The following PLK2 variants were observed in gnomAD, a reference collection of about 807,000 sequenced individuals.
PLK2 encodes polo like kinase 2, also known as serine/threonine-protein kinase PLK2.
Under a neutral mutation model 78.1 loss-of-function variants are expected in PLK2, and 25 were observed. That is an observed-to-expected ratio of 0.32 (90% CI 0.23 to 0.45). PLK2 has a LOEUF of 0.45. Among genes scored for constraint, PLK2 ranks in the 20% least tolerant of loss-of-function variants. The pLI, the probability that PLK2 is intolerant of heterozygous loss-of-function variation, is 1.00. For missense variants in PLK2, 566 were observed against 840.2 expected (o/e 0.67, Z 4.04); for synonymous variants, 332 against 298.2 (o/e 1.11, Z -1.17).
chr5:58,456,984 CA>C lies in PLK2; in HGVS notation c.1116del (p.Phe372LeufsTer31). ...TATCTTGCTTTGTCTTTTTTGCCAC[CA>C]AAAAGAGCAGCAGCTGCTTTCTTAA... ...NFFKKAAAAL[F>X]GGKKDKARYI... On this transcript the variant is annotated frameshift_variant, in exon 8 of 14. Coordinates refer to ENST00000274289, the MANE Select transcript of PLK2 (RefSeq NM_006622.4). LOFTEE classifies it high-confidence loss of function. The C allele has an allele frequency of 6.2e-7, 1 of 1,608,456 alleles. No individual in the cohort carries two copies. The highest frequency in any genetic ancestry group is 8.5e-7 in the Non-Finnish European group (1 of 1,177,562).
intron 5 of PLK2, 115 bp from the exon 6 acceptor site, chr5:58,457,698 T>C (rs1743646943): frequency 3.1e-6 from 2 of 653,868 alleles, no homozygotes; most frequent in Middle Eastern, 4.0e-4. Context: ...AAATCTATAC[T>C]GAATTTCTAT....
In PLK2 at chr5:58,460,070, C is replaced by A; in HGVS notation, c.-111G>T. ...CTCTGGTGCCGACTAGCACCCAACACCCCGGTCCACTTGTGCGAGTGAGAG... is the reference window on the plus strand; with the variant it reads ...CTCTGGTGCCGACTAGCACCCAACAACCCGGTCCACTTGTGCGAGTGAGAG... On this transcript the variant is annotated 5_prime_UTR_variant, in exon 1 of 14. Coordinates refer to ENST00000274289, the MANE Select transcript of PLK2 (RefSeq NM_006622.4). 1 of 1,278,092 alleles carries A rather than the reference C, an allele frequency of 7.8e-7. No individual in the cohort carries two copies. Among genetic ancestry groups the A allele is most frequent in the South Asian group, 1.4e-5 (1 of 69,400 alleles). The allele number at this position is 1,278,092 out of a possible 1,614,324, so 79.2% of individuals were successfully genotyped here.
intron 7 of PLK2, 24 bp downstream of exon 7, chr5:58,457,156 TA>T (rs554519811): frequency 2.2e-3 from 3,022 of 1,404,560 alleles, no homozygotes; most frequent in South Asian, 4.4e-3. Context: ...ACCAGGTAAT[TA>T]AAAAAAAAAG....
In PLK2 at chr5:58,457,237, T is replaced by C. The variant is rs1743632523; in HGVS notation, c.952A>G (p.Asn318Asp). 6.2e-7 allele frequency: 1 copy of C among 1,614,148 alleles called. No individual in the cohort carries two copies. The highest frequency in any genetic ancestry group is 1.6e-4 in the Middle Eastern group (1 of 6,062). ...TCCAAACTGGGACGATCCTCTGGGT[T>C]TTTGGACAACATACTAGCAATTAAG... is the stretch of plus-strand genomic sequence containing the variant. The part of the protein sequence containing the change: ...KHLIASMLSK[N>D]PEDRPSLDDI... The change falls in exon 7 of 14, where the codon AAC becomes GAC. Residue 318 changes from asparagine to aspartate, a missense_variant. Physicochemically the swap from Asn to Asp is conservative, Grantham distance 23. Coordinates refer to ENST00000274289, the MANE Select transcript of PLK2 (RefSeq NM_006622.4).
chr5:58,455,778 G>T lies in PLK2; in HGVS notation c.1386C>A (p.Cys462Ter). 1.2e-6 allele frequency: 2 copies of T among 1,612,618 alleles called. No homozygotes were observed. The highest frequency in any genetic ancestry group is 1.1e-5 in the South Asian group (1 of 91,066). ...CACTTCCCATGGTACTGTCTTCAAG[G>T]CCTGAAAAGTCAGACAGAAATGTTT... Reference protein sequence around the residue: ...TLGSCSSSSECLEDSTMGSVA... With the variant: ...TLGSCSSSSE Residue 462 changes from cysteine to a stop codon, truncating the protein, a stop_gained and splice_region_variant, in exon 11 of 14, where the codon TGC (cysteine) becomes TGA (stop). Transcript: ENST00000274289. LOFTEE classifies it high-confidence loss of function.
At chr5:58,455,487 C>A in intron 11 of PLK2, 52 bp downstream of exon 11, 1 of 1,611,304 alleles carries the variant, frequency 6.2e-7, no homozygotes, top group South Asian at 1.1e-5. Context: ...TTTTAGATTT[C>A]TTTAGTGCAA....
intron 2 of PLK2, 26 bp downstream of exon 2, chr5:58,458,959 A>C (rs1743682237): frequency 7.0e-7 from 1 of 1,429,516 alleles, no homozygotes; most frequent in African/African-American, 1.4e-5. Context: ...CACAAAGAAA[A>C]TACTTTACTC....
chr5:58,459,477 A>G lies in PLK2; in HGVS notation c.270+213T>C. 5.2e-6 allele frequency: 3 copies of G among 574,100 alleles called. No homozygotes were observed. In the East Asian group the frequency reaches 8.7e-5, roughly 17 times the overall value. 35.6% of individuals were successfully genotyped at this position (574,100 alleles called of 1,614,324 possible). On this transcript the variant is annotated intron_variant, in intron 1 of 13. Transcript: ENST00000274289. ...GATGCATTTCTCTGGGCTGCGGGAG[A>G]CACACAGTTCTGAGGCTAAGAATGC...
In PLK2 at chr5:58,456,501, C is replaced by A. The variant is rs141029220; in HGVS notation, c.1245G>T (p.Arg415Ser). 6.2e-7 allele frequency: 1 copy of A among 1,601,944 alleles called. No homozygotes were observed. The highest frequency in any genetic ancestry group is 1.3e-5 in the African/African-American group (1 of 74,636). The change falls in exon 9 of 14, where the codon AGG becomes AGT. Residue 415 changes from arginine (R) to serine (S), a missense_variant. By Grantham distance (110) the Arg-to-Ser change is moderately radical (BLOSUM62 -1). This residue lies in a region of PLK2 where 129 missense variants were observed against 156.0 expected (regional missense o/e 0.83). Transcript: ENST00000274289. ...CTCTTTCCCAACACACCTCATCTGT[C>A]CTGTGTTTGCTGGGTTGCTGAGTTA... is the stretch of plus-strand genomic sequence containing the variant. ...TSITQQPSKH[R>S]TDEELQPPTT...
rs372594707 is a variant in PLK2, at chr5:58,454,663, G to A, written c.1978C>T (p.Leu660=). The A allele has an allele frequency of 2.5e-6, 4 of 1,613,570 alleles. No homozygotes were observed. Among genetic ancestry groups the A allele is most frequent in the Non-Finnish European group, 3.4e-6 (4 of 1,179,482 alleles). Residue 660 remains leucine, a synonymous_variant, in exon 14 of 14, where the codon CTG becomes TTG. Transcript: ENST00000274289. ...RISTTFRLTT[L]LMSGCSSELK... is the part of the protein sequence containing the mutation. ...TCTGATGAACAGCCAGACATCAGCA[G>A]AGTTGTCAGCCTGAAAGTTGTAGAT...
intron 1 of PLK2, 120 bp downstream of exon 1, chr5:58,459,570 G>T: frequency 1.2e-6 from 1 of 848,174 alleles, no homozygotes; most frequent in South Asian, 1.8e-5. Flanking sequence ...CCTCGCGCTG[G>T]GATCGGACCC....
Position 58,454,438 on chromosome 5 carries a change from C to T in PLK2, c.*145G>A, listed in dbSNP as rs1743543963. 4.8e-6 allele frequency: 3 copies of T among 620,824 alleles called. No homozygotes were observed. Among genetic ancestry groups the T allele is most frequent in the Non-Finnish European group, 8.5e-6 (3 of 352,504 alleles). 38.5% of individuals were successfully genotyped at this position (620,824 alleles called of 1,614,324 possible). A position where few individuals can be genotyped will look rare whatever the true frequency, so the allele number is the denominator to read the frequency against. ...TGTATGCCTTAGCCTGTTCTGGTTC[C>T]AACCAGTCCAGCAGGCCACAGGGGA... On this transcript the variant is annotated 3_prime_UTR_variant, in exon 14 of 14. Coordinates refer to ENST00000274289, the MANE Select transcript of PLK2 (RefSeq NM_006622.4).
In PLK2 at chr5:58,454,531, T is replaced by C. The variant is rs1454064506; in HGVS notation, c.*52A>G. ...CTAGATCATTCTTTTGGCTTCCCTG[T>C]AGATCTCACAGTGGAAAAGAGGAGT... On this transcript the variant is annotated 3_prime_UTR_variant, in exon 14 of 14. Coordinates refer to ENST00000274289, the MANE Select transcript of PLK2 (RefSeq NM_006622.4). 4 of 1,241,450 alleles carry C rather than the reference T, an allele frequency of 3.2e-6. No individual in the cohort carries two copies. The highest frequency in any genetic ancestry group is 1.9e-4 in the Middle Eastern group (1 of 5,142). 76.9% of individuals were successfully genotyped at this position (1,241,450 alleles called of 1,614,324 possible). A position where few individuals can be genotyped will look rare whatever the true frequency, so the allele number is the denominator to read the frequency against.
chr5:58,456,938 AACTT>A lies in PLK2; in HGVS notation c.1156+3_1156+6del. ...ACGAAAAAGGAAAAGAAGTCTTGTTAACTTACTATGTGTGTCAATATATCTTGCT... is the reference window on the plus strand; with the variant it reads ...ACGAAAAAGGAAAAGAAGTCTTGTTAACTATGTGTGTCAATATATCTTGCT... On this transcript the variant is annotated splice_donor_5th_base_variant and intron_variant, in intron 8 of 13. Transcript: ENST00000274289. The A allele has an allele frequency of 6.4e-7, 1 of 1,559,190 alleles. No individual in the cohort carries two copies. The highest frequency in any genetic ancestry group is 8.7e-7 in the Non-Finnish European group (1 of 1,147,462).
In PLK2 at chr5:58,458,859, G is replaced by C. The variant is rs774770623; in HGVS notation, c.379-18C>G. ...TTGTCAATCTAAATGAAAAAGCAAGGTAAGGCTTATTAGCTTCCAGTCACC... is the reference window on the plus strand; with the variant it reads ...TTGTCAATCTAAATGAAAAAGCAAGCTAAGGCTTATTAGCTTCCAGTCACC... On this transcript the variant is annotated intron_variant, in intron 2 of 13. Transcript: ENST00000274289. The C allele has an allele frequency of 6.7e-7, 1 of 1,491,744 alleles. No individual in the cohort carries two copies. The highest frequency in any genetic ancestry group is 2.3e-5 in the East Asian group (1 of 44,230). 92.4% of individuals were successfully genotyped at this position (1,491,744 alleles called of 1,614,324 possible).
intron 5 of PLK2, 34 bp from the exon 6 acceptor site, chr5:58,457,617 A>G: frequency 8.2e-7 from 1 of 1,221,832 alleles, no homozygotes; most frequent in Non-Finnish European, 1.2e-6. Flanking sequence ...CGTGTTAGGA[A>G]CTATTCCACT....
chr5:58,458,665 CTT>C (rs1743673566), intron 3 of PLK2, 58 bp downstream of exon 3: 2 of 1,185,888 alleles, frequency 1.7e-6, no homozygotes, highest in East Asian at 2.4e-5. Flanking sequence ...ATAAAATACT[CTT>C]TGAATACCAT....
At chr5:58,459,638 G>A in intron 1 of PLK2, 52 bp downstream of exon 1, 1 of 1,460,796 alleles carries the variant, frequency 6.8e-7, no homozygotes, top group Non-Finnish European at 9.1e-7. Flanking sequence ...GCTTGGGGTC[G>A]CCCGGACAGA....
In PLK2 at chr5:58,460,030, T is replaced by TC; in HGVS notation, c.-72dup. 6.6e-7 allele frequency: 1 copy of TC among 1,509,312 alleles called. No homozygotes were observed. The highest frequency in any genetic ancestry group is 8.9e-7 in the Non-Finnish European group (1 of 1,128,108). The allele number at this position is 1,509,312 out of a possible 1,614,324, so 93.5% of individuals were successfully genotyped here. ...GGTCACACGTCCGAGCCGGCCGTGG[T>TC]CCTCGCACCCTTGCCTCTGGTGCCG... is the stretch of plus-strand genomic sequence containing the variant. On this transcript the variant is annotated 5_prime_UTR_variant, in exon 1 of 14. Transcript: ENST00000274289.
Sources: gnomAD v4.1 joint callset for allele counts on GRCh38, gnomAD v4.1.1 for gene constraint, gnomAD v4.1.1 regional missense constraint, MANE v1.5 for transcripts, NCBI Gene and HGNC (gene_info 2026-07-23, HGNC 2026-07-21) for gene names.